The following OR10J1 variants were observed in gnomAD, a reference collection of about 807,000 sequenced individuals.
OR10J1 encodes olfactory receptor 10J1.
For missense variants in OR10J1, 474 were observed against 376.6 expected (o/e 1.26, Z -2.14); for synonymous variants, 202 against 143.8 (o/e 1.40, Z -2.89).
chr1:159,397,762 G>A, the OR10J1 span, among the ~76,000 whole-genome samples: 1 of 152,170 alleles, frequency 6.6e-6, no homozygotes, highest in Admixed American at 6.5e-5. Context: ...GTCTCCTAAG[G>A]TTTTTGACTC....
the OR10J1 span, among the ~76,000 whole-genome samples, chr1:159,413,031 G>T: frequency 6.6e-6 from 1 of 151,942 alleles, no homozygotes; most frequent in Admixed American, 6.6e-5. Flanking sequence ...GGCAAAGGAC[G>T]TGAACAGACA....
the OR10J1 span, among the ~76,000 whole-genome samples, chr1:159,428,079 G>T: frequency 1.3e-5 from 2 of 152,018 alleles, no homozygotes; most frequent in African/African-American, 2.4e-5. Context: ...CAAGCATCAT[G>T]TTTAATGGTT....
chr1:159,431,034 A>G, the OR10J1 span, among the ~76,000 whole-genome samples: 1 of 152,172 alleles, frequency 6.6e-6, no homozygotes, highest in Non-Finnish European at 1.5e-5. Context: ...TAAATCTATA[A>G]AAAACCTTCC....
chr1:159,402,728 A>G, the OR10J1 span, among the ~76,000 whole-genome samples: 1 of 152,108 alleles, frequency 6.6e-6, no homozygotes, highest in African/African-American at 2.4e-5. Context: ...TAAAAATACC[A>G]ATGATATTCT....
the OR10J1 span, among the ~76,000 whole-genome samples, chr1:159,424,021 C>A: frequency 6.6e-6 from 1 of 152,134 alleles, no homozygotes; most frequent in Non-Finnish European, 1.5e-5. Flanking sequence ...TCAAGACCAG[C>A]CTGGCCAAGA....
chr1:159,408,549 G>A, the OR10J1 span, among the ~76,000 whole-genome samples: 1 of 151,410 alleles, frequency 6.6e-6, no homozygotes, highest in South Asian at 2.1e-4. Context: ...GCACCAGCAT[G>A]GCACATGTAT....
chr1:159,438,523 A>G (rs2101707289), upstream of OR10J1, among the ~76,000 whole-genome samples: 1 of 152,376 alleles, frequency 6.6e-6, no homozygotes, highest in Middle Eastern at 3.4e-3. Flanking sequence ...CACAGAAGAC[A>G]AATGTCTTTA....
At chr1:159,398,755 C>T in the OR10J1 span, among the ~76,000 whole-genome samples, 10 of 151,842 alleles carry the variant, frequency 6.6e-5, no homozygotes, top group African/African-American at 2.2e-4. Context: ...TAAAGTATGC[C>T]TACAGAATCT....
At chr1:159,428,319 A>G in the OR10J1 span, among the ~76,000 whole-genome samples, 2 of 152,162 alleles carry the variant, frequency 1.3e-5, no homozygotes, top group African/African-American at 4.8e-5. Context: ...AGATTTTCTT[A>G]GCCTTTTCTC....
the OR10J1 span, among the ~76,000 whole-genome samples, chr1:159,402,649 G>A: frequency 6.6e-6 from 1 of 151,814 alleles, no homozygotes; most frequent in African/African-American, 2.4e-5. Flanking sequence ...ATGTTTATGG[G>A]TGGAAGAATC....
At chr1:159,418,886 C>A in the OR10J1 span, among the ~76,000 whole-genome samples, 2 of 152,170 alleles carry the variant, frequency 1.3e-5, no homozygotes, top group South Asian at 4.1e-4. Context: ...ATCAGTGTGA[C>A]CTGGATGTGA....
At chr1:159,410,979 G>C in the OR10J1 span, among the ~76,000 whole-genome samples, 1 of 152,090 alleles carries the variant, frequency 6.6e-6, no homozygotes, top group African/African-American at 2.4e-5. Context: ...TCAGGAGCAG[G>C]TTCTTCAGTT....
At chr1:159,435,107 G>A (rs1423599325), upstream of OR10J1, among the ~76,000 whole-genome samples, 1 of 152,084 alleles carries the variant, frequency 6.6e-6, no homozygotes. Context: ...CTGCTTATGT[G>A]GAACTAGACC....
the OR10J1 span, among the ~76,000 whole-genome samples, chr1:159,414,465 C>T: frequency 1.3e-5 from 2 of 152,104 alleles, no homozygotes; most frequent in African/African-American, 2.4e-5. Flanking sequence ...TGTTTACATA[C>T]CACATTTACT....
At chr1:159,412,114 G>A in the OR10J1 span, among the ~76,000 whole-genome samples, 3 of 151,858 alleles carry the variant, frequency 2.0e-5, no homozygotes, top group South Asian at 4.2e-4. Context: ...AAAATACTTA[G>A]GAAGCCATCT....
chr1:159,404,764 C>T, the OR10J1 span, among the ~76,000 whole-genome samples: 8 of 152,106 alleles, frequency 5.3e-5, no homozygotes, highest in Admixed American at 1.3e-4. Flanking sequence ...TGTCTAGTTT[C>T]GTGTGCCTGG....
At chr1:159,422,768 A>G in the OR10J1 span, among the ~76,000 whole-genome samples, 7 of 152,266 alleles carry the variant, frequency 4.6e-5, no homozygotes, top group South Asian at 8.3e-4. Flanking sequence ...GAACCTTACT[A>G]GGGTTGAGCT....
In OR10J1 at chr1:159,440,154, CCG is replaced by C. The variant is rs754805642; in HGVS notation, c.365_366del (p.Arg122LeufsTer49). On this transcript the variant is annotated frameshift_variant, in exon 1 of 1. Coordinates refer to ENST00000423932, the MANE Select transcript of OR10J1 (RefSeq NM_012351.3). LOFTEE classifies it low-confidence loss of function (END_TRUNC). ...TCCTGCTCACAGCAATGGGATATGA[CCG>C]CTATGTGGCCATCTGCAACCCCCTG... ...CFLLTAMGYD[R>X]YVAICNPLRY... The C allele has an allele frequency of 6.2e-7, 1 of 1,614,116 alleles. No individual in the cohort carries two copies. The highest frequency in any genetic ancestry group is 1.1e-5 in the South Asian group (1 of 91,076).
upstream of OR10J1, chr1:159,433,268 C>T (rs1199432464): frequency 2.5e-6 from 1 of 396,164 alleles, no homozygotes. Context: ...GAATCTATTC[C>T]CCTCATAGAT....
Sources: allele counts gnomAD v4.1 joint callset (sites outside exome capture counted in the v4.1 genomes callset), GRCh38; gene constraint gnomAD v4.1.1; transcripts MANE v1.5; gene names NCBI Gene and HGNC (gene_info 2026-07-23, HGNC 2026-07-21).